The following NEK11 variants were observed in gnomAD, a reference collection of about 807,000 sequenced individuals.
NEK11 encodes NIMA related kinase 11.
Under a neutral mutation model 80.7 loss-of-function variants are expected in NEK11, and 72 were observed. The ratio of observed to expected loss-of-function variants is 0.89; its 90% CI spans 0.74 to 1.08. The LOEUF (loss-of-function observed/expected upper bound fraction) is 1.08, where lower values mean the gene tolerates loss of function less well. NEK11 is among the 50% of genes least tolerant of loss of function. NEK11 has a pLI of 0.00. For missense variants in NEK11, 764 were observed against 763.6 expected (o/e 1.00, Z -0.01); for synonymous variants, 251 against 260.7 (o/e 0.96, Z 0.36).
At chr3:131,322,845 C>T (rs953940258) in intron 17 of NEK11, among the ~76,000 whole-genome samples, 6 of 152,192 alleles carry the variant, frequency 3.9e-5, no homozygotes, top group African/African-American at 1.2e-4. Flanking sequence ...ATTGTCCTTG[C>T]TCTCTCCTTG....
chr3:131,314,660 A>G (rs1053320024), intron 17 of NEK11, among the ~76,000 whole-genome samples: 4 of 152,136 alleles, frequency 2.6e-5, no homozygotes, highest in Non-Finnish European at 5.9e-5. Context: ...AACTGGCACA[A>G]CTTGCCTGCC....
intron 5 of NEK11, among the ~76,000 whole-genome samples, chr3:131,115,982 CTTTCTTTA>C (rs1560477971): frequency 3.0e-5 from 3 of 100,602 alleles, no homozygotes; most frequent in South Asian, 6.5e-4. Flanking sequence ...TTCTTTCTTT[CTTTCTTTA>C]TTATACTTTA....
intron 16 of NEK11, among the ~76,000 whole-genome samples, chr3:131,269,244 C>T (rs141868191): frequency 1.3e-5 from 2 of 152,286 alleles, no homozygotes; most frequent in Non-Finnish European, 2.9e-5. Flanking sequence ...CACTTGGCTC[C>T]CTGGCTTCAG....
At chr3:131,338,265 GGTTTTTTTTTT>G (rs1416755212) in intron 17 of NEK11, among the ~76,000 whole-genome samples, 76 of 91,604 alleles carry the variant, frequency 8.3e-4, no homozygotes, top group Non-Finnish European at 1.1e-3. Context: ...GCGCCCAGCT[GGTTTTTTTTTT>G]TTTTTTTTTT....
chr3:131,262,235 T>C (rs1489258756), intron 16 of NEK11, among the ~76,000 whole-genome samples: 2 of 151,920 alleles, frequency 1.3e-5, no homozygotes, highest in South Asian at 2.1e-4. Flanking sequence ...TCAGAAGCAA[T>C]AGAAAGCTGA....
intron 17 of NEK11, among the ~76,000 whole-genome samples, chr3:131,293,854 T>G (rs2096568093): frequency 6.6e-6 from 1 of 152,096 alleles, no homozygotes; most frequent in Non-Finnish European, 1.5e-5. Flanking sequence ...TTATCAAATT[T>G]GTGGACATAG....
intron 15 of NEK11, among the ~76,000 whole-genome samples, chr3:131,240,945 A>G (rs1369648318): frequency 1.3e-5 from 2 of 152,158 alleles, no homozygotes; most frequent in South Asian, 2.1e-4. Flanking sequence ...GCTGCTGCCT[A>G]AACTTTTCCT....
chr3:131,122,166 A>G (rs1461292555), intron 5 of NEK11, among the ~76,000 whole-genome samples: 1 of 152,176 alleles, frequency 6.6e-6, no homozygotes, highest in Admixed American at 6.5e-5. Flanking sequence ...CTCATTTTTA[A>G]TGTAGTGAGG....
chr3:131,151,512 A>G (rs755170211), intron 7 of NEK11, among the ~76,000 whole-genome samples: 3 of 152,112 alleles, frequency 2.0e-5, no homozygotes, highest in Non-Finnish European at 4.4e-5. Flanking sequence ...ACATTGTTAA[A>G]AGTTACATAA....
intron 3 of NEK11, among the ~76,000 whole-genome samples, chr3:131,051,972 T>G (rs2068485025): frequency 6.6e-6 from 1 of 152,180 alleles, no homozygotes; most frequent in Non-Finnish European, 1.5e-5. Context: ...TCTCCCCTTT[T>G]TTGAGTTCTC....
Position 131,029,806 on chromosome 3 carries a change from A to G in NEK11, c.98A>G (p.Gln33Arg). The G allele has an allele frequency of 1.2e-6, 2 of 1,614,216 alleles. No homozygotes were observed. Among genetic ancestry groups the G allele is most frequent in the South Asian group, 1.1e-5 (1 of 91,088 alleles). The change falls in exon 3 of 18, where the codon CAA (glutamine) becomes CGA (arginine). Residue 33 changes from glutamine to arginine, a missense_variant. Transcript: ENST00000383366. ...TLIARRYVLQ[Q>R]KLGSGSFGTV... ...ATTGCAAGAAGATACGTGCTTCAACAAAAACTTGGCAGTGGAAGTTTTGGA... is the reference window on the plus strand; with the variant it reads ...ATTGCAAGAAGATACGTGCTTCAACGAAAACTTGGCAGTGGAAGTTTTGGA...
intron 17 of NEK11, chr3:131,325,386 A>AT (rs910823907): frequency 1.3e-5 from 2 of 152,182 alleles, no homozygotes; most frequent in Non-Finnish European, 2.9e-5. Flanking sequence ...TAGTAAAAGT[A>AT]TTTTTTTAAT....
intron 15 of NEK11, among the ~76,000 whole-genome samples, chr3:131,233,909 G>A (rs1378490962): frequency 1.3e-5 from 2 of 152,166 alleles, no homozygotes; most frequent in African/African-American, 4.8e-5. Flanking sequence ...GGAAACTGAG[G>A]CATAAGGAAA....
intron 3 of NEK11, among the ~76,000 whole-genome samples, chr3:131,037,288 A>G (rs1028419147): frequency 6.8e-6 from 1 of 146,120 alleles, no homozygotes; most frequent in South Asian, 2.1e-4. Context: ...AACTTCATCC[A>G]TTTTTTTTTT....
chr3:131,105,983 C>A (rs953267000), intron 4 of NEK11, among the ~76,000 whole-genome samples: 1 of 152,146 alleles, frequency 6.6e-6, no homozygotes, highest in South Asian at 2.1e-4. Flanking sequence ...ATATTGTATA[C>A]TTGCATATAA....
chr3:131,230,697 A>T (rs1031941454), intron 15 of NEK11, among the ~76,000 whole-genome samples: 1 of 152,146 alleles, frequency 6.6e-6, no homozygotes, highest in Non-Finnish European at 1.5e-5. Context: ...TCTGGGTTGT[A>T]TATCTATCAC....
intron 2 of NEK11, among the ~76,000 whole-genome samples, chr3:131,029,193 G>T (rs1463589926): frequency 6.6e-6 from 1 of 152,194 alleles, no homozygotes; most frequent in African/African-American, 2.4e-5. Flanking sequence ...CTCACTCTTT[G>T]TAAACCAAAG....
intron 17 of NEK11, among the ~76,000 whole-genome samples, chr3:131,274,988 G>C (rs1489995677): frequency 6.6e-6 from 1 of 150,972 alleles, no homozygotes; most frequent in East Asian, 2.0e-4. Context: ...ATTCTAACTG[G>C]TGTGAGATGG....
At chr3:131,179,619 ACT>A (rs1277972802) in intron 14 of NEK11, among the ~76,000 whole-genome samples, 1 of 152,168 alleles carries the variant, frequency 6.6e-6, no homozygotes, top group African/African-American at 2.4e-5. Context: ...TTTGACTTAT[ACT>A]CCTAATAGTT....
Sources: gnomAD v4.1 joint callset for allele counts (sites outside exome capture counted in the v4.1 genomes callset) on GRCh38, gnomAD v4.1.1 for gene constraint, MANE v1.5 for transcripts, NCBI Gene and HGNC (gene_info 2026-07-23, HGNC 2026-07-21) for gene names.